The following RPS6KC1 variants were observed in gnomAD, a reference collection of about 807,000 sequenced individuals.
RPS6KC1 encodes the protein ribosomal protein S6 kinase C1, also known as inactive ribosomal protein S6 kinase delta-1.
A neutral mutation model predicts 103.8 loss-of-function variants in RPS6KC1; 54 were observed. The ratio of observed to expected loss-of-function variants is 0.52; its 90% CI spans 0.42 to 0.65. RPS6KC1 has a LOEUF of 0.65. Ranked by LOEUF, RPS6KC1 falls within the 30% of genes least tolerant of loss-of-function variation. The pLI, the probability that RPS6KC1 is intolerant of heterozygous loss-of-function variation, is 0.00. For missense variants in RPS6KC1, 1,151 were observed against 1,253.8 expected (o/e 0.92, Z 1.24); for synonymous variants, 439 against 438.7 (o/e 1.00, Z -0.01).
At chr1:213,559,813 T>G in the RPS6KC1 span, among the ~76,000 whole-genome samples, 2 of 152,168 alleles carry the variant, frequency 1.3e-5, no homozygotes, top group Non-Finnish European at 2.9e-5. Context: ...TAATAATATA[T>G]TTTACTTAAC....
At chr1:213,479,589 T>C in the RPS6KC1 span, among the ~76,000 whole-genome samples, 1,718 of 152,162 alleles carry the variant, frequency 0.011, 36 homozygotes, top group African/African-American at 0.039. Flanking sequence ...TATTCATGTA[T>C]TTTGAATATG....
At chr1:213,264,772 T>C (rs1371054165) in intron 14 of RPS6KC1, among the ~76,000 whole-genome samples, 2 of 151,598 alleles carry the variant, frequency 1.3e-5, no homozygotes, top group Admixed American at 1.3e-4. Flanking sequence ...GAGGTCACTT[T>C]AAAAAAAAAT....
the RPS6KC1 span, among the ~76,000 whole-genome samples, chr1:213,673,483 C>T: frequency 2.0e-5 from 3 of 152,188 alleles, no homozygotes; most frequent in African/African-American, 7.2e-5. Flanking sequence ...GATGGTTTCA[C>T]TCCACAACTT....
intron 12 of RPS6KC1, among the ~76,000 whole-genome samples, chr1:213,258,368 A>G (rs1055145608): frequency 3.3e-5 from 5 of 152,200 alleles, no homozygotes; most frequent in Non-Finnish European, 5.9e-5. Flanking sequence ...AGAAGTATAC[A>G]CTGCTTGTGA....
At chr1:213,264,017 AAAG>A (rs2094859645) in intron 14 of RPS6KC1, among the ~76,000 whole-genome samples, 1 of 152,022 alleles carries the variant, frequency 6.6e-6, no homozygotes, top group Admixed American at 6.5e-5. Flanking sequence ...TTTAGGAAAC[AAAG>A]TTTGATTTAT....
the RPS6KC1 span, among the ~76,000 whole-genome samples, chr1:213,696,290 A>C: frequency 6.6e-6 from 1 of 152,024 alleles, no homozygotes; most frequent in Non-Finnish European, 1.5e-5. Context: ...ACCTGAGGTC[A>C]GGAGTTTGAG....
At chr1:213,856,468 C>CCTCT in the RPS6KC1 span, among the ~76,000 whole-genome samples, 5 of 149,602 alleles carry the variant, frequency 3.3e-5, no homozygotes, top group African/African-American at 1.2e-4. Flanking sequence ...TCCTTCCTTC[C>CCTCT]CTCCCTCCCT....
At chr1:213,568,236 C>T in the RPS6KC1 span, among the ~76,000 whole-genome samples, 1 of 152,170 alleles carries the variant, frequency 6.6e-6, no homozygotes, top group African/African-American at 2.4e-5. Context: ...TTTCCTGGGA[C>T]ATGGGACTTT....
At chr1:213,179,186 G>A (rs562302285) in intron 8 of RPS6KC1, among the ~76,000 whole-genome samples, 6 of 152,072 alleles carry the variant, frequency 3.9e-5, no homozygotes, top group East Asian at 1.9e-4. Context: ...AGGCCGAGGC[G>A]GGCAGATCAC....
chr1:213,187,192 C>T lies in RPS6KC1; in HGVS notation c.1044+10700C>T, dbSNP rs542412279. ...GCTGGGATTATACCATGCCTAGCCT[C>T]TGTTTGATTTTAAAAGATTATTTCA... On this transcript the variant is annotated intron_variant, in intron 8 of 14. Coordinates refer to ENST00000366960, the MANE Select transcript of RPS6KC1 (RefSeq NM_012424.6). Among the ~76,000 whole-genome samples, 297 of 150,378 alleles carry T rather than the reference C, an allele frequency of 2.0e-3. 1 individual carries two copies. The highest frequency in any genetic ancestry group is 7.0e-3 in the African/African-American group (286 of 41,004).
chr1:213,061,127 G>A (rs574811533), intron 1 of RPS6KC1, among the ~76,000 whole-genome samples: 40 of 152,244 alleles, frequency 2.6e-4, no homozygotes, highest in Middle Eastern at 6.8e-3. Context: ...CCACCCTCAT[G>A]ACCTGATTAC....
the RPS6KC1 span, among the ~76,000 whole-genome samples, chr1:213,451,912 C>G: frequency 1.3e-5 from 2 of 152,218 alleles, no homozygotes; most frequent in African/African-American, 2.4e-5. Flanking sequence ...GTGCTCCAGC[C>G]TGGGTGGCGT....
chr1:213,103,285 C>G (rs2082172477), intron 3 of RPS6KC1, among the ~76,000 whole-genome samples: 1 of 152,038 alleles, frequency 6.6e-6, no homozygotes, highest in Non-Finnish European at 1.5e-5. Context: ...TTCACTCACA[C>G]AGTCAATAAA....
the RPS6KC1 span, among the ~76,000 whole-genome samples, chr1:213,705,767 G>A: frequency 1.3e-5 from 2 of 152,222 alleles, no homozygotes; most frequent in African/African-American, 4.8e-5. Context: ...GTATCACTGG[G>A]TATTCAGGGC....
chr1:213,054,262 T>C (rs528863491), intron 1 of RPS6KC1, among the ~76,000 whole-genome samples: 1 of 152,252 alleles, frequency 6.6e-6, no homozygotes, highest in African/African-American at 2.4e-5. Context: ...ATGTTACATA[T>C]TGCTCTGGTT....
chr1:213,551,166 C>G, the RPS6KC1 span, among the ~76,000 whole-genome samples: 1 of 152,184 alleles, frequency 6.6e-6, no homozygotes, highest in African/African-American at 2.4e-5. Context: ...AGCCCGACAT[C>G]CAGACTGCTT....
chr1:213,652,035 C>T, the RPS6KC1 span, among the ~76,000 whole-genome samples: 2 of 152,056 alleles, frequency 1.3e-5, no homozygotes, highest in African/African-American at 4.8e-5. Context: ...TAATTAATTG[C>T]TTTTAATTTG....
the RPS6KC1 span, among the ~76,000 whole-genome samples, chr1:213,375,250 TAC>T: frequency 6.6e-6 from 1 of 151,404 alleles, no homozygotes; most frequent in Non-Finnish European, 1.5e-5. Flanking sequence ...CACACATATA[TAC>T]ACACATACAC....
chr1:213,079,201 CT>C (rs548528302), intron 3 of RPS6KC1, among the ~76,000 whole-genome samples: 172 of 152,050 alleles, frequency 1.1e-3, no homozygotes, highest in South Asian at 2.5e-3. Flanking sequence ...CAATCTTTTA[CT>C]GGTATATTAC....
Sources: gnomAD v4.1 joint callset for allele counts (sites outside exome capture counted in the v4.1 genomes callset) on GRCh38, gnomAD v4.1.1 for gene constraint, MANE v1.5 for transcripts, NCBI Gene and HGNC (gene_info 2026-07-23, HGNC 2026-07-21) for gene names.